Variants in LPAR1 observed in about 807,000 individuals in gnomAD.
LPAR1 encodes the protein lysophosphatidic acid receptor 1, also known as LPA receptor 1.
LPAR1 carries 5 observed loss-of-function variants against 23.8 expected under a neutral mutation model. The ratio of observed to expected loss-of-function variants is 0.21; its 90% CI spans 0.11 to 0.44. The LOEUF is 0.44. LPAR1 is among the 20% of genes least tolerant of loss of function. The probability of loss-of-function intolerance (pLI) is 0.99; values close to 1 mark genes in which losing one functional copy is unlikely to be tolerated. For missense variants in LPAR1, 311 were observed against 482.8 expected, an observed-to-expected ratio of 0.64 and a Z score of 3.33; for synonymous variants, 160 against 164.7, an observed-to-expected ratio of 0.97 and a Z score of 0.22.
intron 5 of LPAR1, among the ~76,000 whole-genome samples, chr9:110,899,126 C>T (rs1220075045): frequency 6.6e-6 from 1 of 152,170 alleles, no homozygotes; most frequent in Non-Finnish European, 1.5e-5. Flanking sequence ...ATACTGGCTA[C>T]ATTTTGTTAC....
chr9:110,915,368 C>T (rs981228855), intron 5 of LPAR1, among the ~76,000 whole-genome samples: 3 of 150,768 alleles, frequency 2.0e-5, no homozygotes, highest in Admixed American at 1.3e-4. Flanking sequence ...GAAACCCCAT[C>T]TCTACTAAAA....
chr9:110,951,501 G>A (rs1472316729), intron 4 of LPAR1, among the ~76,000 whole-genome samples: 1 of 152,126 alleles, frequency 6.6e-6, no homozygotes, highest in Admixed American at 6.5e-5. Flanking sequence ...ATTCACAGAA[G>A]AGAAAACCTT....
At chr9:111,007,899 C>T (rs2097252911) in intron 2 of LPAR1, among the ~76,000 whole-genome samples, 1 of 152,092 alleles carries the variant, frequency 6.6e-6, no homozygotes, top group Non-Finnish European at 1.5e-5. Context: ...AGATGCCGAG[C>T]GCGGTGGCTC....
intron 4 of LPAR1, among the ~76,000 whole-genome samples, chr9:110,954,725 A>AAAC (rs2095681389): frequency 2.0e-5 from 3 of 152,056 alleles, no homozygotes; most frequent in Admixed American, 6.5e-5. Flanking sequence ...AACAAACAAA[A>AAAC]AAAACTGCCA....
At chr9:110,983,664 A>G (rs2096720557) in intron 2 of LPAR1, among the ~76,000 whole-genome samples, 1 of 152,080 alleles carries the variant, frequency 6.6e-6, no homozygotes, top group Non-Finnish European at 1.5e-5. Flanking sequence ...TTTTACCATA[A>G]TTTAAAAAAG....
intron 2 of LPAR1, among the ~76,000 whole-genome samples, chr9:111,004,775 A>G (rs1440820682): frequency 3.9e-5 from 6 of 152,114 alleles, no homozygotes; most frequent in Non-Finnish European, 7.3e-5. Context: ...TCTTATCCAT[A>G]CCAATCAATT....
Position 110,873,943 on chromosome 9 carries a change from A to G in LPAR1, c.*1478T>C, listed in dbSNP as rs775595592. On this transcript the variant is annotated 3_prime_UTR_variant, in exon 6 of 6. Transcript: ENST00000683809. ...ATTCTTGAGACAGTTGAATTCTTCT[A>G]GTTGATCTTGTTGTATTAAAAAGTC... is the stretch of plus-strand genomic sequence containing the variant. 3.3e-5 allele frequency: 5 copies of G among 152,600 alleles called. No individual in the cohort carries two copies. The highest frequency in any genetic ancestry group is 7.4e-5 in the Non-Finnish European group (5 of 68,020). The allele number at this position is 152,600 out of a possible 1,614,324, so 9.5% of individuals were successfully genotyped here.
chr9:111,010,981 G>A (rs981286), intron 2 of LPAR1, among the ~76,000 whole-genome samples: 23,486 of 152,102 alleles, frequency 0.15, 2,175 homozygotes, highest in African/African-American at 0.25. Flanking sequence ...CAGACATAAT[G>A]TATGAACATC....
chr9:110,887,433 A>C (rs2082713516), intron 5 of LPAR1, among the ~76,000 whole-genome samples: 1 of 152,136 alleles, frequency 6.6e-6, no homozygotes, highest in African/African-American at 2.4e-5. Flanking sequence ...ATTCTTTTTG[A>C]GATTAGTTAC....
chr9:110,907,383 A>G (rs1414410465), intron 5 of LPAR1, among the ~76,000 whole-genome samples: 2 of 152,166 alleles, frequency 1.3e-5, no homozygotes, highest in African/African-American at 2.4e-5. Context: ...TCTTTAATGG[A>G]ACAGACTCTG....
intron 2 of LPAR1, among the ~76,000 whole-genome samples, chr9:110,994,652 A>C (rs2139843580): frequency 6.6e-6 from 1 of 152,250 alleles, no homozygotes; most frequent in East Asian, 1.9e-4. Context: ...AGAGTAGAGG[A>C]GGAGGAGAGG....
At chr9:110,971,076 A>G (rs1400137231) in intron 4 of LPAR1, among the ~76,000 whole-genome samples, 1 of 152,218 alleles carries the variant, frequency 6.6e-6, no homozygotes, top group African/African-American at 2.4e-5. Context: ...TGGAGATTGC[A>G]GTGAACCAAG....
chr9:110,938,674 C>T (rs2094887841), intron 5 of LPAR1, among the ~76,000 whole-genome samples: 1 of 146,908 alleles, frequency 6.8e-6, no homozygotes, highest in Admixed American at 6.9e-5. Context: ...GGCAACATGA[C>T]AAAACCCCAT....
chr9:110,956,235 C>T (rs541163284), intron 4 of LPAR1, among the ~76,000 whole-genome samples: 315 of 19,436 alleles, frequency 0.016, 3 homozygotes, highest in African/African-American at 0.06. Context: ...GGGGGCCTGT[C>T]GGGGGGTTGG....
At position 110,941,170 on chromosome 9, in the gene LPAR1, T is replaced by C. The variant is rs556470542; in HGVS notation, c.793+251A>G. On this transcript the variant is annotated intron_variant, in intron 5 of 5. Coordinates refer to ENST00000683809, the MANE Select transcript of LPAR1 (RefSeq NM_001351411.2). The surrounding 1 kb of genome is among the most constrained non-coding windows in gnomAD (Gnocchi z 6.1). Reference sequence around the variant, plus strand: ...TTTTCAATATTAGATAGCCAAACTCTTCAATGACATCTTTTACATCATCAT... The same window carrying C: ...TTTTCAATATTAGATAGCCAAACTCCTCAATGACATCTTTTACATCATCAT... 4.1e-4 allele frequency among the ~76,000 whole-genome samples: 62 copies of C among 152,328 alleles called. No individual in the cohort carries two copies. Among genetic ancestry groups the C allele is most frequent in the African/African-American group, 1.4e-3 (59 of 41,574 alleles).
At chr9:110,882,250 C>A (rs2081083625) in intron 5 of LPAR1, among the ~76,000 whole-genome samples, 1 of 152,142 alleles carries the variant, frequency 6.6e-6, no homozygotes, top group Admixed American at 6.5e-5. Flanking sequence ...ATATTAACTT[C>A]ATGAAGGAAG....
intron 2 of LPAR1, among the ~76,000 whole-genome samples, chr9:111,020,352 C>T (rs998324248): frequency 6.6e-6 from 1 of 152,192 alleles, no homozygotes; most frequent in African/African-American, 2.4e-5. Context: ...TTTCAAAGCC[C>T]TCTACTTTAA....
In LPAR1 at chr9:111,019,257, G is replaced by A. The variant is rs576612345; in HGVS notation, c.-182+16865C>T. ...GAAGATTGCTTGAGCCCAGGAGTTC[G>A]AGACCAGCCTGGTCAACATCGCAAG... is the stretch of plus-strand genomic sequence containing the variant. On this transcript the variant is annotated intron_variant, in intron 2 of 5. Transcript: ENST00000683809. Among the ~76,000 whole-genome samples the A allele has an allele frequency of 2.6e-5, 4 of 152,154 alleles. No individual in the cohort carries two copies. In the South Asian group the frequency reaches 6.2e-4, roughly 24 times the overall value.
At chr9:110,924,350 A>G (rs899784388) in intron 5 of LPAR1, among the ~76,000 whole-genome samples, 9 of 152,172 alleles carry the variant, frequency 5.9e-5, no homozygotes, top group African/African-American at 2.2e-4. Context: ...TGGCATAATA[A>G]ATGCTCAAGA....
Sources: allele counts gnomAD v4.1 joint callset (sites outside exome capture counted in the v4.1 genomes callset), GRCh38; gene constraint gnomAD v4.1.1; non-coding constraint Gnocchi (gnomAD v3.1); transcripts MANE v1.5; gene names NCBI Gene and HGNC (gene_info 2026-07-23, HGNC 2026-07-21).